PEG3: variants seen among roughly 807,000 people sequenced by gnomAD.
The protein encoded by PEG3 is paternally expressed 3, also known as paternally-expressed gene 3 protein.
Under a neutral mutation model 35.5 loss-of-function variants are expected in PEG3, and 23 were observed. The ratio of observed to expected loss-of-function variants is 0.65; its 90% CI spans 0.47 to 0.92. The LOEUF (loss-of-function observed/expected upper bound fraction) is 0.92, where lower values mean the gene tolerates loss of function less well. PEG3 is among the 40% of genes least tolerant of loss of function. PEG3 has a pLI of 0.00. For missense variants in PEG3, 1,960 were observed against 1,985.3 expected (o/e 0.99, Z 0.24); for synonymous variants, 707 against 697.0 (o/e 1.01, Z -0.23).
chr19:56,838,262 G>A (rs1455105654), intron 1 of PEG3, among the ~76,000 whole-genome samples: 1 of 151,976 alleles, frequency 6.6e-6, no homozygotes, highest in Non-Finnish European at 1.5e-5. Context: ...ACCAGGCTCG[G>A]CAGCCCCTAG....
At position 56,839,494 on chromosome 19, in the gene PEG3, A is replaced by C. The variant is rs751821638; in HGVS notation, c.-250+1088T>G. On this transcript the variant is annotated intron_variant, in intron 1 of 9. Transcript: ENST00000326441. ...GCCTTGCCCCGCCCCATATGCCACCAACCAACCAGGGGAGCACCTGCGCAG... is the reference window on the plus strand; with the variant it reads ...GCCTTGCCCCGCCCCATATGCCACCCACCAACCAGGGGAGCACCTGCGCAG... Among the ~76,000 whole-genome samples the C allele has an allele frequency of 3.3e-5, 5 of 151,310 alleles. No individual in the cohort carries two copies. The South Asian group carries it at 6.3e-4, about 19-fold the overall frequency.
Position 56,823,186 on chromosome 19 carries a change from T to C in PEG3, c.482-350A>G, listed in dbSNP as rs2060669038. ...AGACCCCCTACTGTCTGGCAGCCGA[T>C]CTTAAAGTACACGTTATTCTACTAC... On this transcript the variant is annotated intron_variant, in intron 5 of 9. Coordinates refer to ENST00000326441, the MANE Select transcript of PEG3 (RefSeq NM_006210.3). Among the ~76,000 whole-genome samples the C allele has an allele frequency of 3.3e-5, 5 of 152,260 alleles. No individual in the cohort carries two copies. The South Asian group carries it at 1.0e-3, about 32-fold the overall frequency.
chr19:56,818,546 G>A, intron 8 of PEG3, 54 bp downstream of exon 8: 3 of 1,593,028 alleles, frequency 1.9e-6, no homozygotes, highest in Non-Finnish European at 2.6e-6. Flanking sequence ...GGAGCAAGAT[G>A]ACAAAATGCT....
chr19:56,823,169 T>TA (rs2060666270), intron 5 of PEG3, among the ~76,000 whole-genome samples: 1 of 152,088 alleles, frequency 6.6e-6, no homozygotes, highest in African/African-American at 2.4e-5. Context: ...GCAGACCCCC[T>TA]ACTGTCTGGC....
intron 2 of PEG3, among the ~76,000 whole-genome samples, chr19:56,827,393 T>C (rs1396080785): frequency 6.6e-6 from 1 of 152,108 alleles, no homozygotes; most frequent in Non-Finnish European, 1.5e-5. Flanking sequence ...AAAATGGAAG[T>C]TATTTTTTTA....
rs2146189696 is a variant in PEG3 at position 56,816,141 on chromosome 19, A to G, written c.2301T>C (p.Asn767=). 4 of 1,613,628 alleles carry G rather than the reference A, an allele frequency of 2.5e-6. No individual in the cohort carries two copies. The highest frequency in any genetic ancestry group is 1.3e-5 in the African/African-American group (1 of 74,942). The change falls in exon 10 of 10, where the codon AAT becomes AAC. Residue 767 remains asparagine (N), a synonymous_variant. Coordinates refer to ENST00000326441, the MANE Select transcript of PEG3 (RefSeq NM_006210.3). ...TCTCATATGATTTTGCCTCATAGAC[A>G]TTTTCCTTAGTGGGAATCTTCTGGT... The part of the protein sequence containing the change: ...YENQKIPTKE[N]VYEAKSYERS...
At chr19:56,835,560 GC>G (rs1365082497) in intron 2 of PEG3, among the ~76,000 whole-genome samples, 4 of 152,182 alleles carry the variant, frequency 2.6e-5, no homozygotes, top group Non-Finnish European at 5.9e-5. Flanking sequence ...GTCAGCTGTT[GC>G]TAGCAGATGT....
At chr19:56,822,567 T>C in intron 6 of PEG3, 186 bp downstream of exon 6, 1 of 683,356 alleles carries the variant, frequency 1.5e-6, no homozygotes, top group Non-Finnish European at 2.4e-6. Context: ...GTCTATGTGG[T>C]GAAACCTGTG....
intron 3 of PEG3, among the ~76,000 whole-genome samples, chr19:56,825,159 T>G (rs191397935): frequency 1.2e-4 from 18 of 152,298 alleles, no homozygotes; most frequent in Admixed American, 1.3e-4. Context: ...AAATCAGACG[T>G]CAGCACGTTT....
At chr19:56,822,922 G>C in intron 5 of PEG3, 86 bp from the exon 6 acceptor site, 1 of 1,520,902 alleles carries the variant, frequency 6.6e-7, no homozygotes, top group Non-Finnish European at 8.9e-7. Flanking sequence ...CCTCTGGAAA[G>C]AGATGCTACC....
At chr19:56,833,272 C>CA in intron 2 of PEG3, 1 of 455,220 alleles carries the variant, frequency 2.2e-6, no homozygotes, top group Non-Finnish European at 4.4e-6. Flanking sequence ...ATTCAGCCCC[C>CA]TAACTCGTTC....
At chr19:56,829,234 C>G (rs183194993) in intron 2 of PEG3, among the ~76,000 whole-genome samples, 20 of 151,828 alleles carry the variant, frequency 1.3e-4, no homozygotes, top group Admixed American at 1.3e-4. Flanking sequence ...ATCCCAGCTA[C>G]TCAGGAGGCT....
chr19:56,816,824 A>G lies in PEG3; in HGVS notation c.1618T>C (p.Cys540Arg), dbSNP rs780162935. ...GGGCTAGGCATGAAGGCTTCCTCAC[A>G]TTCCTGATTCTTACATTCCACAAGA... The part of the protein sequence containing the change: ...GYLVECKNQE[C>R]EEAFMPSPTF... Residue 540 changes from cysteine (C) to arginine (R), a missense_variant, in exon 10 of 10, where the codon TGT becomes CGT. Transcript: ENST00000326441. 1 of 1,614,212 alleles carries G rather than the reference A, an allele frequency of 6.2e-7. No individual in the cohort carries two copies. Among genetic ancestry groups the G allele is most frequent in the Non-Finnish European group, 8.5e-7 (1 of 1,180,034 alleles).
chr19:56,819,246 C>T (rs557338713), intron 7 of PEG3, among the ~76,000 whole-genome samples: 12 of 152,288 alleles, frequency 7.9e-5, no homozygotes, highest in Admixed American at 5.2e-4. Context: ...CTTAAACCTC[C>T]CTCCCGGTTT....
At chr19:56,822,672 G>A (rs2060615092) in intron 6 of PEG3, 81 bp downstream of exon 6, 1 of 1,553,952 alleles carries the variant, frequency 6.4e-7, no homozygotes, top group African/African-American at 1.4e-5. Context: ...GAAACTTCGA[G>A]GCCCTGGCAC....
chr19:56,835,895 G>A, intron 2 of PEG3, 123 bp downstream of exon 2: 2 of 398,076 alleles, frequency 5.0e-6, no homozygotes, highest in Non-Finnish European at 1.0e-5. Context: ...TGTTCTCAGA[G>A]GGCACAAATG....
At chr19:56,821,543 C>A (rs2060487287) in intron 7 of PEG3, 108 bp downstream of exon 7, 2 of 1,385,108 alleles carry the variant, frequency 1.4e-6, no homozygotes, top group Admixed American at 2.0e-5. Context: ...GGACTCTCAC[C>A]CCAGCTGGAC....
chr19:56,813,039 A>T lies in PEG3; in HGVS notation c.*636T>A. 1 of 985,516 alleles carries T rather than the reference A, an allele frequency of 1.0e-6. No individual in the cohort carries two copies. The highest frequency in any genetic ancestry group is 1.2e-6 in the Non-Finnish European group (1 of 829,718). The allele number at this position is 985,516 out of a possible 1,614,324, so 61.0% of individuals were successfully genotyped here. A position where few individuals can be genotyped will look rare whatever the true frequency, so the allele number is the denominator to read the frequency against. On this transcript the variant is annotated 3_prime_UTR_variant, in exon 10 of 10. Transcript: ENST00000326441. ...TTTCAAACAGTAAGGAGTAAAAGCCATGTTATCTATCATGCCTACAGCTTC... is the reference window on the plus strand; with the variant it reads ...TTTCAAACAGTAAGGAGTAAAAGCCTTGTTATCTATCATGCCTACAGCTTC...
intron 6 of PEG3, among the ~76,000 whole-genome samples, chr19:56,822,136 G>A (rs938206644): frequency 6.6e-6 from 1 of 152,168 alleles, no homozygotes; most frequent in African/African-American, 2.4e-5. Flanking sequence ...TCATGGCTCT[G>A]AACAATGCCT....
Sources: allele counts gnomAD v4.1 joint callset (sites outside exome capture counted in the v4.1 genomes callset), GRCh38; gene constraint gnomAD v4.1.1; transcripts MANE v1.5; gene names NCBI Gene and HGNC (gene_info 2026-07-23, HGNC 2026-07-21).